Variants in TAF3 observed in about 807,000 individuals in gnomAD.
TAF3 encodes the protein transcription initiation factor TFIID subunit 3.
Under a neutral mutation model 80.6 loss-of-function variants are expected in TAF3, and 7 were observed. The ratio of observed to expected loss-of-function variants is 0.09; its 90% CI spans 0.05 to 0.16. The LOEUF (loss-of-function observed/expected upper bound fraction) is 0.16. Ranked by LOEUF, TAF3 falls within the 10% of genes least tolerant of loss-of-function variation. TAF3 has a pLI of 1.00. For synonymous variants in TAF3, 444 were observed against 446.1 expected (o/e 1.00, Z 0.06); for missense variants, 921 against 1,140.2 (o/e 0.81, Z 2.77).
rs553740181 is a variant in TAF3, at chr10:7,828,912, C to T, written c.409+4352C>T. Among the ~76,000 whole-genome samples the T allele has an allele frequency of 3.1e-3, 451 of 146,068 alleles. 2 individuals carry two copies. Among genetic ancestry groups the T allele is most frequent in the Middle Eastern group, 6.9e-3 (2 of 288 alleles). Reference sequence around the variant, plus strand: ...AGCTGGGTGTGGTGGTGCCTGTAGTCCCAGCTACTCGGGAGGCTGAGATGG... The same window carrying T: ...AGCTGGGTGTGGTGGTGCCTGTAGTTCCAGCTACTCGGGAGGCTGAGATGG... On this transcript the variant is annotated intron_variant, in intron 2 of 6. Coordinates refer to ENST00000344293, the MANE Select transcript of TAF3 (RefSeq NM_031923.4).
At chr10:7,856,731 G>A (rs969478148) in intron 2 of TAF3, among the ~76,000 whole-genome samples, 3 of 151,900 alleles carry the variant, frequency 2.0e-5, no homozygotes, top group Non-Finnish European at 2.9e-5. Context: ...AAGTGACTTG[G>A]AACATTTTGT....
chr10:7,935,001 G>A (rs1006722815), intron 2 of TAF3, among the ~76,000 whole-genome samples: 4 of 152,076 alleles, frequency 2.6e-5, no homozygotes, highest in African/African-American at 9.7e-5. Context: ...AAGAGGCTGG[G>A]CACAGTGGCT....
At chr10:7,864,750 G>C (rs915056675) in intron 2 of TAF3, among the ~76,000 whole-genome samples, 1 of 151,666 alleles carries the variant, frequency 6.6e-6, no homozygotes, top group Non-Finnish European at 1.5e-5. Context: ...TCAGCCTGTG[G>C]TTTGCTTTTT....
chr10:7,985,024 G>C (rs1367814692), intron 4 of TAF3, among the ~76,000 whole-genome samples: 2 of 152,172 alleles, frequency 1.3e-5, no homozygotes, highest in Non-Finnish European at 2.9e-5. Flanking sequence ...ACTGTGTTCA[G>C]ATACTTACAT....
At chr10:7,895,794 G>A (rs11255428) in intron 2 of TAF3, among the ~76,000 whole-genome samples, 2 of 152,100 alleles carry the variant, frequency 1.3e-5, no homozygotes, top group East Asian at 3.8e-4. Context: ...TGTTTCTTAG[G>A]GGTGAAGTGA....
intron 3 of TAF3, among the ~76,000 whole-genome samples, chr10:7,966,375 C>A (rs920310012): frequency 1.3e-5 from 2 of 152,160 alleles, no homozygotes; most frequent in African/African-American, 4.8e-5. Context: ...TCCCACATGG[C>A]AGAAATGTTT....
At chr10:7,996,077 T>A (rs1042308814) in intron 4 of TAF3, among the ~76,000 whole-genome samples, 1 of 152,176 alleles carries the variant, frequency 6.6e-6, no homozygotes, top group Non-Finnish European at 1.5e-5. Context: ...GGTGTGTTAG[T>A]TTTCTATTTC....
intron 4 of TAF3, among the ~76,000 whole-genome samples, chr10:7,991,662 A>G (rs1831835532): frequency 6.6e-6 from 1 of 152,192 alleles, no homozygotes; most frequent in Non-Finnish European, 1.5e-5. Flanking sequence ...GAATATATGT[A>G]TATGTATGTG....
At chr10:7,883,007 T>C (rs779067249) in intron 2 of TAF3, among the ~76,000 whole-genome samples, 1 of 152,240 alleles carries the variant, frequency 6.6e-6, no homozygotes, top group Non-Finnish European at 1.5e-5. Context: ...CAGTGGGTAC[T>C]TTCTAAAAGT....
chr10:7,875,637 C>T (rs1837306268), intron 2 of TAF3, among the ~76,000 whole-genome samples: 1 of 152,028 alleles, frequency 6.6e-6, no homozygotes, highest in South Asian at 2.1e-4. Context: ...GTGTGGTGGT[C>T]CTAATGCAAT....
chr10:7,961,945 G>A (rs577929295), intron 2 of TAF3, among the ~76,000 whole-genome samples: 1 of 152,086 alleles, frequency 6.6e-6, no homozygotes, highest in South Asian at 2.1e-4. Flanking sequence ...AACCTTCTGG[G>A]CTCAGGTGAC....
rs572969409 is a variant in TAF3, at chr10:7,835,336, C to G, written c.409+10776C>G. Among the ~76,000 whole-genome samples the G allele has an allele frequency of 2.2e-3, 341 of 152,300 alleles. 1 individual carries two copies. The highest frequency in any genetic ancestry group is 3.5e-3 in the Non-Finnish European group (238 of 68,020). On this transcript the variant is annotated intron_variant, in intron 2 of 6. Transcript: ENST00000344293. ...GGCCCATGGGCTGTGGGTTGACAAG[C>G]TTGCTTTAGAAGGAGATTCAGGGTA...
At chr10:7,887,629 G>A (rs1837420803) in intron 2 of TAF3, among the ~76,000 whole-genome samples, 1 of 152,080 alleles carries the variant, frequency 6.6e-6, no homozygotes, top group African/African-American at 2.4e-5. Flanking sequence ...GACTGCCTGG[G>A]ACTAAAACAG....
intron 2 of TAF3, among the ~76,000 whole-genome samples, chr10:7,887,416 A>G (rs971197723): frequency 2.0e-5 from 3 of 152,088 alleles, no homozygotes; most frequent in African/African-American, 7.2e-5. Flanking sequence ...TTGTGATTGC[A>G]AAGAGTCAAG....
intron 2 of TAF3, among the ~76,000 whole-genome samples, chr10:7,846,354 A>T (rs1322052430): frequency 6.6e-6 from 1 of 152,158 alleles, no homozygotes; most frequent in Non-Finnish European, 1.5e-5. Flanking sequence ...TACCCATTAT[A>T]TTCTGTCCTT....
chr10:7,824,545 G>A lies in TAF3; in HGVS notation c.394G>A (p.Val132Met). ...EYIPDYLPPI[V>M]SSQEEEEEEQ... ...CATTCCTGATTACCTGCCACCCATT[G>A]TGTCTTCTCAAGAAGGTTTGTGAGT... Residue 132 changes from valine (V) to methionine (M), a missense_variant, in exon 2 of 7, where the codon GTG (valine) becomes ATG (methionine). Val to Met is a conservative substitution (Grantham distance 21). Around this residue, in one of 6 missense-constraint regions of TAF3, gnomAD observed 106 missense variants for 191.8 expected, o/e 0.55. Coordinates refer to ENST00000344293, the MANE Select transcript of TAF3 (RefSeq NM_031923.4). 6.2e-7 allele frequency: 1 copy of A among 1,614,038 alleles called. No individual in the cohort carries two copies. Among genetic ancestry groups the A allele is most frequent in the Non-Finnish European group, 8.5e-7 (1 of 1,179,966 alleles).
chr10:7,921,329 C>A (rs1588552947), intron 2 of TAF3, among the ~76,000 whole-genome samples: 1 of 152,180 alleles, frequency 6.6e-6, no homozygotes, highest in Non-Finnish European at 1.5e-5. Context: ...GGTTATTACC[C>A]TACTGCCTTT....
At chr10:7,998,636 C>T (rs749242538) in intron 4 of TAF3, among the ~76,000 whole-genome samples, 3 of 151,838 alleles carry the variant, frequency 2.0e-5, no homozygotes, top group Non-Finnish European at 1.5e-5. Flanking sequence ...GTCAGGAGTT[C>T]GAGACCAGCC....
intron 1 of TAF3, among the ~76,000 whole-genome samples, chr10:7,820,011 C>T (rs565236235): frequency 6.4e-4 from 97 of 152,236 alleles, no homozygotes; most frequent in African/African-American, 2.2e-3. Flanking sequence ...TACACAGTTC[C>T]CTTTGTGAGC....
Sources: gnomAD v4.1 joint callset for allele counts (sites outside exome capture counted in the v4.1 genomes callset) on GRCh38, gnomAD v4.1.1 for gene constraint, gnomAD v4.1.1 regional missense constraint, MANE v1.5 for transcripts, NCBI Gene and HGNC (gene_info 2026-07-23, HGNC 2026-07-21) for gene names.